The following HLCS variants were observed in gnomAD, a reference collection of about 807,000 sequenced individuals.
HLCS encodes biotin--protein ligase.
Under a neutral mutation model 75.0 loss-of-function variants are expected in HLCS, and 53 were observed. The ratio of observed to expected loss-of-function variants is 0.71; its 90% confidence interval spans 0.57 to 0.89. The LOEUF is 0.89. HLCS is among the 40% of genes least tolerant of loss of function. HLCS has a pLI of 0.00. For missense variants in HLCS, 966 were observed against 1,074.0 expected, an observed-to-expected ratio of 0.90 and a Z score of 1.41; for synonymous variants, 431 against 428.6, an observed-to-expected ratio of 1.01 and a Z score of -0.07.
chr21:36,821,397 G>C (rs544882997), intron 6 of HLCS, among the ~76,000 whole-genome samples: 5 of 152,290 alleles, frequency 3.3e-5, no homozygotes, highest in African/African-American at 1.2e-4. Flanking sequence ...AGATGTGGAA[G>C]AGTGGGTTGA....
At chr21:36,872,303 G>A (rs1287858463) in intron 6 of HLCS, among the ~76,000 whole-genome samples, 2 of 151,004 alleles carry the variant, frequency 1.3e-5, no homozygotes, top group African/African-American at 2.4e-5. Context: ...GGCGCCTGTA[G>A]TCCCAGCTAC....
At chr21:36,861,291 G>GT (rs1246909468) in intron 6 of HLCS, among the ~76,000 whole-genome samples, 1 of 152,168 alleles carries the variant, frequency 6.6e-6, no homozygotes, top group African/African-American at 2.4e-5. Flanking sequence ...CCCAGGTAAC[G>GT]TCCCTGTGGT....
chr21:36,893,081 T>A (rs1383265854), intron 6 of HLCS, among the ~76,000 whole-genome samples: 1 of 152,040 alleles, frequency 6.6e-6, no homozygotes, highest in Admixed American at 6.6e-5. Flanking sequence ...GTATCCCACT[T>A]TTTTTTGAGA....
chr21:36,764,841 C>CATT (rs2089977009), intron 8 of HLCS, among the ~76,000 whole-genome samples, 171 bp downstream of exon 8: 1 of 152,250 alleles, frequency 6.6e-6, no homozygotes. Context: ...CCTGAAGCAG[C>CATT]ATTAGCACCT....
Sources: gnomAD v4.1 joint callset for allele counts (sites outside exome capture counted in the v4.1 genomes callset) on GRCh38, gnomAD v4.1.1 for gene constraint, MANE v1.5 for transcripts, NCBI Gene and HGNC (gene_info 2026-07-23, HGNC 2026-07-21) for gene names.